RAVER2: variants seen among roughly 807,000 people sequenced by gnomAD.
The protein encoded by RAVER2 is ribonucleoprotein PTB-binding 2.
RAVER2 carries 46 observed loss-of-function variants against 78.1 expected under a neutral mutation model. The ratio of observed to expected loss-of-function variants is 0.59; its 90% CI spans 0.46 to 0.75. The LOEUF (loss-of-function observed/expected upper bound fraction) is 0.75, where lower values mean the gene tolerates loss of function less well. Among genes scored for constraint, RAVER2 ranks in the 30% least tolerant of loss-of-function variants. RAVER2 has a pLI of 0.00. For missense variants in RAVER2, 793 were observed against 837.5 expected, an observed-to-expected ratio of 0.95 and a Z score of 0.66; for synonymous variants, 311 against 313.3, an observed-to-expected ratio of 0.99 and a Z score of 0.08.
chr1:64,791,013 A>G (rs1208422676), intron 5 of RAVER2, among the ~76,000 whole-genome samples: 1 of 152,214 alleles, frequency 6.6e-6, no homozygotes, highest in Non-Finnish European at 1.5e-5. Flanking sequence ...GGGAGTTCCC[A>G]CAGTGCCCTC....
intron 2 of RAVER2, among the ~76,000 whole-genome samples, chr1:64,770,000 A>G (rs1652272419): frequency 6.6e-6 from 1 of 152,018 alleles, no homozygotes; most frequent in Non-Finnish European, 1.5e-5. Context: ...ACATTGATAT[A>G]TATAACTCAG....
Position 64,789,532 on chromosome 1 carries a change from A to T in RAVER2, c.1105+18A>T, listed in dbSNP as rs1652878717. 7.0e-7 allele frequency: 1 copy of T among 1,426,148 alleles called. No homozygotes were observed. 88.3% of individuals were successfully genotyped at this position (1,426,148 alleles called of 1,614,324 possible). On this transcript the variant is annotated intron_variant, in intron 5 of 11. Transcript: ENST00000294428. Reference sequence around the variant, plus strand: ...TAAACCAGGTATGGACCATGTATGTATACTGATTAATTAAAGAATGCTAGC... The same window carrying T: ...TAAACCAGGTATGGACCATGTATGTTTACTGATTAATTAAAGAATGCTAGC...
chr1:64,811,166 A>G (rs1653594120), intron 9 of RAVER2, among the ~76,000 whole-genome samples: 1 of 152,228 alleles, frequency 6.6e-6, no homozygotes, highest in African/African-American at 2.4e-5. Flanking sequence ...GCAGTATTAA[A>G]TCATAACTGC....
intron 5 of RAVER2, among the ~76,000 whole-genome samples, chr1:64,792,041 A>G (rs1652958689): frequency 3.3e-5 from 5 of 152,226 alleles, no homozygotes; most frequent in Admixed American, 3.3e-4. Context: ...AGTTAAACAG[A>G]TGGACCATTG....
chr1:64,758,757 A>G (rs1402858843), intron 1 of RAVER2, among the ~76,000 whole-genome samples: 3 of 152,114 alleles, frequency 2.0e-5, no homozygotes, highest in Middle Eastern at 3.2e-3. Context: ...AGAAAACCCA[A>G]TGGGGCCTGC....
intron 5 of RAVER2, among the ~76,000 whole-genome samples, chr1:64,801,853 G>A (rs972206775): frequency 5.9e-5 from 9 of 152,126 alleles, no homozygotes; most frequent in African/African-American, 1.9e-4. Flanking sequence ...GGGCAATAGA[G>A]TGTGACTCTG....
At chr1:64,815,300 G>C (rs1175741299) in intron 11 of RAVER2, 1 of 152,180 alleles carries the variant, frequency 6.6e-6, no homozygotes, top group Non-Finnish European at 1.5e-5. Context: ...GTAGACCTAA[G>C]AAACCCAAGG....
chr1:64,750,241 G>A (rs1651660157), intron 1 of RAVER2, among the ~76,000 whole-genome samples: 4 of 151,736 alleles, frequency 2.6e-5, no homozygotes, highest in Non-Finnish European at 5.9e-5. Flanking sequence ...CCAAATGTAA[G>A]AAACTCTAGT....
intron 5 of RAVER2, among the ~76,000 whole-genome samples, chr1:64,793,714 G>A (rs1653010705): frequency 1.3e-5 from 2 of 152,008 alleles, no homozygotes; most frequent in African/African-American, 4.8e-5. Flanking sequence ...TTGTCCATTT[G>A]TAATCCATCC....
chr1:64,748,407 TA>T (rs1427529015), intron 1 of RAVER2, among the ~76,000 whole-genome samples: 3 of 152,234 alleles, frequency 2.0e-5, no homozygotes, highest in African/African-American at 7.2e-5. Context: ...CCTTGAGGGA[TA>T]CTCCTGAAGC....
intron 1 of RAVER2, among the ~76,000 whole-genome samples, chr1:64,757,225 C>A (rs1651879583): frequency 6.6e-6 from 1 of 152,200 alleles, no homozygotes; most frequent in Non-Finnish European, 1.5e-5. Flanking sequence ...AGTTTCTGTG[C>A]TCCAGCCCTA....
exon 12 of RAVER2, chr1:64,832,456 A>G (rs973534879): frequency 6.6e-6 from 1 of 152,590 alleles, no homozygotes; most frequent in African/African-American, 2.4e-5. Context: ...CCATCTAGAA[A>G]TTTCTAAGTT....
chr1:64,770,297 G>A (rs1652280607), intron 2 of RAVER2, among the ~76,000 whole-genome samples: 1 of 151,974 alleles, frequency 6.6e-6, no homozygotes, highest in Non-Finnish European at 1.5e-5. Context: ...ATTCCCACTA[G>A]TCAGGATGAT....
chr1:64,823,013 T>C (rs1468250437), intron 11 of RAVER2, among the ~76,000 whole-genome samples: 1 of 152,154 alleles, frequency 6.6e-6, no homozygotes, highest in Non-Finnish European at 1.5e-5. Flanking sequence ...ATAGTGGTTA[T>C]TGGGGGCTGG....
chr1:64,829,098 A>G (rs1177022456), intron 11 of RAVER2, among the ~76,000 whole-genome samples: 2 of 151,970 alleles, frequency 1.3e-5, no homozygotes, highest in African/African-American at 2.4e-5. Flanking sequence ...GAATGGTGTT[A>G]GCACCATTGG....
At chr1:64,805,737 A>G (rs1182372866) in intron 8 of RAVER2, among the ~76,000 whole-genome samples, 1 of 152,204 alleles carries the variant, frequency 6.6e-6, no homozygotes, top group Non-Finnish European at 1.5e-5. Flanking sequence ...AAGGGCCACC[A>G]ATAATTTAAA....
chr1:64,777,940 G>A, exon 3 of RAVER2: 1 of 1,614,100 alleles, frequency 6.2e-7, no homozygotes, highest in East Asian at 2.2e-5. Context: ...GGGAGCATCA[G>A]CACTCTTTGC....
At chr1:64,779,949 C>T (rs151052350) in intron 3 of RAVER2, among the ~76,000 whole-genome samples, 10 of 151,882 alleles carry the variant, frequency 6.6e-5, no homozygotes, top group African/African-American at 2.2e-4. Context: ...TTGAATGGCT[C>T]TCATATTGAA....
At chr1:64,814,071 G>A (rs1198562309) in intron 10 of RAVER2, among the ~76,000 whole-genome samples, 1 of 151,752 alleles carries the variant, frequency 6.6e-6, no homozygotes, top group Non-Finnish European at 1.5e-5. Flanking sequence ...CTACAGGCAT[G>A]TGCCACCATG....
Sources: allele counts gnomAD v4.1 joint callset (sites outside exome capture counted in the v4.1 genomes callset), GRCh38; gene constraint gnomAD v4.1.1; transcripts MANE v1.5; gene names NCBI Gene and HGNC (gene_info 2026-07-23, HGNC 2026-07-21).